The following TTC39A variants were observed in gnomAD, a reference collection of about 807,000 sequenced individuals.
TTC39A encodes tetratricopeptide repeat domain 39A.
In TTC39A, 46 loss-of-function variants were observed where a neutral mutation model predicts 82.3. The ratio of observed to expected loss-of-function variants is 0.56; its 90% confidence interval spans 0.44 to 0.71. TTC39A has a LOEUF of 0.71. Ranked by LOEUF, TTC39A falls within the 30% of genes least tolerant of loss-of-function variation. The pLI is 0.00. For missense variants in TTC39A, 543 were observed against 712.9 expected (o/e 0.76, Z 2.71); for synonymous variants, 254 against 275.2 (o/e 0.92, Z 0.76).
At chr1:51,315,908 G>A (rs1645265001) in intron 2 of TTC39A, among the ~76,000 whole-genome samples, 1 of 152,206 alleles carries the variant, frequency 6.6e-6, no homozygotes, top group African/African-American at 2.4e-5. Context: ...CTGTTGCACA[G>A]GGCCTGTGCC....
chr1:51,329,317 A>G (rs1645824061), intron 1 of TTC39A, among the ~76,000 whole-genome samples: 6 of 152,148 alleles, frequency 3.9e-5, no homozygotes. Flanking sequence ...CAGCTTTACA[A>G]ATACTTGAGC....
In TTC39A at chr1:51,303,048, C is replaced by T. The variant is rs186731507; in HGVS notation, c.763+36G>A. ...GTTCTCCTTCCCCCTTGGAGACGAC[C>T]AAACCCCAGGGCCCCAGGTCCCCCT... On this transcript the variant is annotated intron_variant, in intron 9 of 17. Transcript: ENST00000680483. 325 of 1,548,760 alleles carry T rather than the reference C, an allele frequency of 2.1e-4. 2 individuals are homozygous for T. The African/African-American group carries it at 3.9e-3, about 19-fold the overall frequency.
chr1:51,320,575 T>C (rs1285503648), intron 2 of TTC39A, among the ~76,000 whole-genome samples: 1 of 151,778 alleles, frequency 6.6e-6, no homozygotes, highest in African/African-American at 2.4e-5. Flanking sequence ...AGCTACTATA[T>C]ACTATAGCTG....
In TTC39A at chr1:51,330,325, G is replaced by A; in HGVS notation, c.41+112C>T. 3 of 911,100 alleles carry A rather than the reference G, an allele frequency of 3.3e-6. No individual in the cohort carries two copies. Among genetic ancestry groups the A allele is most frequent in the Non-Finnish European group, 3.9e-6 (3 of 763,372 alleles). The allele number at this position is 911,100 out of a possible 1,614,324, so 56.4% of individuals were successfully genotyped here. On this transcript the variant is annotated intron_variant, in intron 1 of 17. Transcript: ENST00000680483. The surrounding 1 kb of genome is among the most constrained non-coding windows in gnomAD (Gnocchi z 4.5). Reference sequence around the variant, plus strand: ...CCGGGCGGGGTGGGGGCTGGAAGCCGCAGTGCGGCCCCAGGCCGGTGCGCG... The same window carrying A: ...CCGGGCGGGGTGGGGGCTGGAAGCCACAGTGCGGCCCCAGGCCGGTGCGCG...
chr1:51,317,487 G>A (rs376692246), intron 2 of TTC39A, among the ~76,000 whole-genome samples: 5 of 152,102 alleles, frequency 3.3e-5, no homozygotes, highest in Admixed American at 1.3e-4. Flanking sequence ...GCTGGCTCAC[G>A]CCTGTAATCC....
rs139587932 is a variant in TTC39A, at chr1:51,310,086, G to C, written c.424-761C>G. ...TTGAGACCAGCCTGGCCAACGTGGT[G>C]AAACCCCCATCTCTACTAAAAATAC... On this transcript the variant is annotated intron_variant, in intron 5 of 17. Coordinates refer to ENST00000680483, the MANE Select transcript of TTC39A (RefSeq NM_001297663.2). 9.6e-3 allele frequency among the ~76,000 whole-genome samples: 1,457 copies of C among 152,178 alleles called. 24 individuals are homozygous for C. Among genetic ancestry groups the C allele is most frequent in the African/African-American group, 0.034 (1,405 of 41,520 alleles).
intron 5 of TTC39A, among the ~76,000 whole-genome samples, chr1:51,309,593 T>C (rs896747302): frequency 6.6e-6 from 1 of 152,180 alleles, no homozygotes; most frequent in Non-Finnish European, 1.5e-5. Flanking sequence ...AGTATCTCCC[T>C]CTAGGTGGAG....
rs752660072 is a variant in TTC39A at position 51,312,848 on chromosome 1, C to A, written c.242G>T (p.Gly81Val). Residue 81 changes from glycine to valine, a missense_variant, in exon 3 of 18, where the codon GGC (glycine) becomes GTC (valine). Physicochemically the swap from Gly to Val is moderately radical, Grantham distance 109 (BLOSUM62 -3). Transcript: ENST00000680483. Reference protein sequence around the residue: ...TFDPQDILLAGNMMKEAQMLC... With the variant: ...TFDPQDILLAVNMMKEAQMLC... ...CATCTGTGCCTCCTTCATCATGTTG[C>A]CGGCAAGCAGGATGTCCTGAGGGTC... 8.7e-6 allele frequency: 14 copies of A among 1,613,918 alleles called. 2 individuals are homozygous for A. In the South Asian group the frequency reaches 1.5e-4, roughly 18 times the overall value.
intron 2 of TTC39A, among the ~76,000 whole-genome samples, chr1:51,315,901 T>C (rs568288344): frequency 1.3e-5 from 2 of 152,356 alleles, no homozygotes; most frequent in East Asian, 1.9e-4. Context: ...GTCTATGCTG[T>C]TGCACAGGGC....
intron 2 of TTC39A, among the ~76,000 whole-genome samples, chr1:51,317,889 G>A (rs1192976567): frequency 6.6e-6 from 1 of 152,210 alleles, no homozygotes; most frequent in Non-Finnish European, 1.5e-5. Context: ...TTCCTGGGGT[G>A]TCTCTGTTAG....
chr1:51,304,519 T>TC (rs1317092714), intron 8 of TTC39A, among the ~76,000 whole-genome samples: 1 of 152,170 alleles, frequency 6.6e-6, no homozygotes, highest in Non-Finnish European at 1.5e-5. Context: ...AGGCCAGTGC[T>TC]CCTTCTACCA....
At chr1:51,290,158 C>A in intron 15 of TTC39A, 39 bp from the exon 16 acceptor site, 7 of 1,587,060 alleles carry the variant, frequency 4.4e-6, no homozygotes, top group Non-Finnish European at 6.0e-6. Flanking sequence ...CAGACTTGTT[C>A]ATTTCTGCAG....
At position 51,287,877 on chromosome 1, in the gene TTC39A, G is replaced by T; in HGVS notation, c.*280C>A. The T allele has an allele frequency of 2.6e-6, 1 of 386,338 alleles. No individual in the cohort carries two copies. Among genetic ancestry groups the T allele is most frequent in the Non-Finnish European group, 4.8e-6 (1 of 209,010 alleles). 23.9% of individuals were successfully genotyped at this position (386,338 alleles called of 1,614,324 possible). On this transcript the variant is annotated 3_prime_UTR_variant, in exon 18 of 18. Transcript: ENST00000680483. ...TGTATTTCTAAGGAAAATGTAAACTGTTCATACATTCTCTTAAACATCACA... is the reference window on the plus strand; with the variant it reads ...TGTATTTCTAAGGAAAATGTAAACTTTTCATACATTCTCTTAAACATCACA...
At chr1:51,331,226 C>T, upstream of TTC39A, 2 of 1,550,086 alleles carry the variant, frequency 1.3e-6, no homozygotes, top group Non-Finnish European at 1.7e-6. Context: ...CCCTTTCCCC[C>T]TTGGCCCCCT....
At chr1:51,327,087 C>G (rs1315852840) in intron 1 of TTC39A, among the ~76,000 whole-genome samples, 2 of 152,236 alleles carry the variant, frequency 1.3e-5, no homozygotes, top group Non-Finnish European at 2.9e-5. Flanking sequence ...TCCCACTTCT[C>G]TACTAGAGTT....
At chr1:51,333,144 G>A (rs1038619316), upstream of TTC39A, among the ~76,000 whole-genome samples, 6 of 147,622 alleles carry the variant, frequency 4.1e-5, no homozygotes, top group South Asian at 2.1e-4. Context: ...CCCGGAAGGC[G>A]AAGGTTGCAG....
At chr1:51,305,832 G>T in intron 7 of TTC39A, 145 bp downstream of exon 7, 1 of 775,032 alleles carries the variant, frequency 1.3e-6, no homozygotes. Context: ...CTGAAGGCTG[G>T]CCACATGTCT....
rs1391827145 is a variant in TTC39A, at chr1:51,304,680, C to A, written c.654+401G>T. On this transcript the variant is annotated intron_variant, in intron 8 of 17. Coordinates refer to ENST00000680483, the MANE Select transcript of TTC39A (RefSeq NM_001297663.2). ...GATGCCCAGTAGGGCTTCCCTCAGG[C>A]ATCTGCTGGATGAAGTGGTAGCACC... Among the ~76,000 whole-genome samples the A allele has an allele frequency of 2.6e-5, 4 of 152,240 alleles. No homozygotes were observed. The East Asian group carries it at 7.7e-4, about 29-fold the overall frequency.
chr1:51,314,820 G>GT (rs1284106229), intron 2 of TTC39A, among the ~76,000 whole-genome samples: 1 of 152,198 alleles, frequency 6.6e-6, no homozygotes, highest in Non-Finnish European at 1.5e-5. Flanking sequence ...TGAGCCTCAA[G>GT]TTTTTCCCTG....
Sources: gnomAD v4.1 joint callset for allele counts (sites outside exome capture counted in the v4.1 genomes callset) on GRCh38, gnomAD v4.1.1 for gene constraint, Gnocchi (gnomAD v3.1) non-coding constraint, MANE v1.5 for transcripts, NCBI Gene and HGNC (gene_info 2026-07-23, HGNC 2026-07-21) for gene names.